Variants in CLPB observed in about 807,000 individuals in gnomAD.
The protein encoded by CLPB is ClpB family mitochondrial disaggregase.
Under a neutral mutation model 78.4 loss-of-function variants are expected in CLPB, and 40 were observed. The observed-to-expected ratio is 0.51, with a 90% confidence interval of 0.40 to 0.66. The LOEUF (loss-of-function observed/expected upper bound fraction) is 0.66, where lower values mean the gene tolerates loss of function less well. Ranked by LOEUF, CLPB falls within the 30% of genes least tolerant of loss-of-function variation. The pLI is 0.00. For synonymous variants in CLPB, 333 were observed against 348.0 expected, an observed-to-expected ratio of 0.96 and a Z score of 0.48; for missense variants, 780 against 886.9, an observed-to-expected ratio of 0.88 and a Z score of 1.53.
In CLPB at chr11:72,289,438, T is replaced by G. The variant is rs148006638; in HGVS notation, c.*3929A>C. The G allele has an allele frequency of 6.6e-6, 1 of 152,094 alleles. No homozygotes were observed. The highest frequency in any genetic ancestry group is 1.9e-4 in the East Asian group (1 of 5,182). 9.4% of individuals were successfully genotyped at this position (152,094 alleles called of 1,614,324 possible). A position where few individuals can be genotyped will look rare whatever the true frequency, so the allele number is the denominator to read the frequency against. The stretch of plus-strand genomic sequence containing the variant: ...TTAACTAGAGCCTCTATGGGAAGTC[T>G]AAACATCAAATAGAAAGGAGCAGAA... On this transcript the variant is annotated 3_prime_UTR_variant, in exon 16 of 16. Coordinates refer to ENST00000538039, the MANE Select transcript of CLPB (RefSeq NM_001258392.3).
At chr11:72,361,943 C>T (rs1950847123) in intron 4 of CLPB, among the ~76,000 whole-genome samples, 1 of 152,198 alleles carries the variant, frequency 6.6e-6, no homozygotes, top group Non-Finnish European at 1.5e-5. Context: ...TTACCATAAA[C>T]AGCAGATGAA....
chr11:72,406,515 T>C (rs936537751), intron 2 of CLPB, among the ~76,000 whole-genome samples: 1 of 152,220 alleles, frequency 6.6e-6, no homozygotes, highest in African/African-American at 2.4e-5. Flanking sequence ...TCTGGGATAA[T>C]AATCTCTAAG....
In CLPB at chr11:72,380,974, C is replaced by T. The variant is rs529089737; in HGVS notation, c.543-590G>A. Among the ~76,000 whole-genome samples, 6 of 152,336 alleles carry T rather than the reference C, an allele frequency of 3.9e-5. No individual in the cohort carries two copies. The South Asian group carries it at 1.2e-3, about 32-fold the overall frequency. On this transcript the variant is annotated intron_variant, in intron 3 of 15. Transcript: ENST00000538039. The stretch of plus-strand genomic sequence containing the variant: ...ACCAAGAAACAGGATCAAGAAAGCC[C>T]TTACGGCATCAGCAAGATGGCAGAA...
intron 6 of CLPB, among the ~76,000 whole-genome samples, chr11:72,321,027 C>A (rs1210107298): frequency 6.6e-6 from 1 of 152,070 alleles, no homozygotes; most frequent in African/African-American, 2.4e-5. Context: ...TTGACTTGTG[C>A]CCAGCCTTGT....
chr11:72,403,015 T>C lies in CLPB; in HGVS notation c.493A>G (p.Arg165Gly). ...SEGADVNAKH[R>G]LGWTALMVAA... Reference sequence around the variant, plus strand: ...ACCATGAGTGCTGTCCAGCCAAGTCTGTGCTTTGCATTGACATCTGCACCT... The same window carrying C: ...ACCATGAGTGCTGTCCAGCCAAGTCCGTGCTTTGCATTGACATCTGCACCT... Residue 165 changes from arginine to glycine, a missense_variant, in exon 3 of 16, where the codon AGA (arginine) becomes GGA (glycine). Arg to Gly is a moderately radical substitution (Grantham distance 125). Transcript: ENST00000538039. 2 of 1,613,718 alleles carry C rather than the reference T, an allele frequency of 1.2e-6. No individual in the cohort carries two copies. Among genetic ancestry groups the C allele is most frequent in the Non-Finnish European group, 8.5e-7 (1 of 1,180,040 alleles).
At chr11:72,399,741 T>C (rs1352228109) in intron 3 of CLPB, among the ~76,000 whole-genome samples, 1 of 152,258 alleles carries the variant, frequency 6.6e-6, no homozygotes, top group Non-Finnish European at 1.5e-5. Flanking sequence ...GAAGGTTCTC[T>C]GCTTTCAGCC....
intron 2 of CLPB, among the ~76,000 whole-genome samples, chr11:72,404,710 T>G (rs895563115): frequency 1.3e-5 from 2 of 152,064 alleles, no homozygotes; most frequent in African/African-American, 4.8e-5. Context: ...GTGTTCCAGG[T>G]AGACGCAGTC....
At chr11:72,355,756 C>T (rs1005280169) in intron 5 of CLPB, among the ~76,000 whole-genome samples, 1 of 152,200 alleles carries the variant, frequency 6.6e-6, no homozygotes, top group Non-Finnish European at 1.5e-5. Context: ...GTCTGAATCT[C>T]CTCCCAGCTC....
chr11:72,394,594 G>C (rs894454154), intron 3 of CLPB, among the ~76,000 whole-genome samples: 6 of 152,210 alleles, frequency 3.9e-5, no homozygotes, highest in African/African-American at 1.4e-4. Flanking sequence ...AGCGTCTTGA[G>C]TTGCCTGAGG....
intron 2 of CLPB, among the ~76,000 whole-genome samples, chr11:72,424,815 G>A (rs1024599301): frequency 2.6e-5 from 4 of 152,028 alleles, no homozygotes; most frequent in Non-Finnish European, 5.9e-5. Context: ...GAACCCGGGT[G>A]GCGGAGTTTG....
At chr11:72,359,266 C>T (rs1018759317) in intron 4 of CLPB, 20 of 608,330 alleles carry the variant, frequency 3.3e-5, no homozygotes, top group African/African-American at 3.3e-4. Context: ...GATAAGGTCC[C>T]TGACCTAACT....
intron 9 of CLPB, among the ~76,000 whole-genome samples, chr11:72,306,166 T>C (rs1041715099): frequency 1.3e-5 from 2 of 152,264 alleles, no homozygotes; most frequent in African/African-American, 4.8e-5. Flanking sequence ...GCACAGCTAC[T>C]GGCAGAGCTA....
intron 7 of CLPB, among the ~76,000 whole-genome samples, chr11:72,313,922 A>G (rs1283918078): frequency 6.6e-6 from 1 of 152,238 alleles, no homozygotes; most frequent in Non-Finnish European, 1.5e-5. Flanking sequence ...AGCACAGCAA[A>G]TGACTTCAGA....
intron 3 of CLPB, 93 bp from the exon 4 acceptor site, chr11:72,380,477 G>A (rs889278286): frequency 1.1e-6 from 1 of 929,194 alleles, no homozygotes; most frequent in African/African-American, 1.6e-5. Context: ...GACTGGAGCT[G>A]TCTCTGCTCA....
chr11:72,299,289 C>T (rs1207212864), intron 11 of CLPB, among the ~76,000 whole-genome samples: 1 of 152,254 alleles, frequency 6.6e-6, no homozygotes, highest in East Asian at 1.9e-4. Context: ...CCTTCTCATC[C>T]ATTCTTTACA....
Position 72,288,676 on chromosome 11 carries a change from T to C in CLPB, c.*4691A>G, listed in dbSNP as rs638138. The C allele has an allele frequency of 0.15, 22,982 of 152,054 alleles. 2,430 individuals are homozygous for C. The highest frequency in any genetic ancestry group is 0.3 in the African/African-American group (12,256 of 41,440). 9.4% of individuals were successfully genotyped at this position (152,054 alleles called of 1,614,324 possible). On this transcript the variant is annotated 3_prime_UTR_variant, in exon 16 of 16. Transcript: ENST00000538039. ...GTCCCATCCACTCACCCAAGTATAA[T>C]AATAAAGGAACATCTGTCATATGCC... is the stretch of plus-strand genomic sequence containing the variant.
chr11:72,345,962 A>C lies in CLPB; in HGVS notation c.775+12918T>G, dbSNP rs80053608. 6.6e-3 allele frequency among the ~76,000 whole-genome samples: 1,013 copies of C among 152,374 alleles called. 12 individuals are homozygous for C. Among genetic ancestry groups the C allele is most frequent in the African/African-American group, 0.023 (970 of 41,590 alleles). The stretch of plus-strand genomic sequence containing the variant: ...TTTAAGATGTATTATAGGATTGAGC[A>C]AATGAGTAAATAAATAAATGTATCA... On this transcript the variant is annotated intron_variant, in intron 5 of 15. Coordinates refer to ENST00000538039, the MANE Select transcript of CLPB (RefSeq NM_001258392.3).
chr11:72,293,221 G>A lies in CLPB; in HGVS notation c.*146C>T. ...TCCTTCAGGTTTTGGGGCTGAGAAG[G>A]GGTCTTCATGGGCTGTGAGGAGGTA... is the stretch of plus-strand genomic sequence containing the variant. On this transcript the variant is annotated 3_prime_UTR_variant, in exon 16 of 16. Coordinates refer to ENST00000538039, the MANE Select transcript of CLPB (RefSeq NM_001258392.3). The A allele has an allele frequency of 1.0e-6, 1 of 992,276 alleles. No individual in the cohort carries two copies. The highest frequency in any genetic ancestry group is 1.5e-6 in the Non-Finnish European group (1 of 679,684). 61.5% of individuals were successfully genotyped at this position (992,276 alleles called of 1,614,324 possible). A position where few individuals can be genotyped will look rare whatever the true frequency, so the allele number is the denominator to read the frequency against.
At chr11:72,339,754 T>C (rs564862875) in intron 5 of CLPB, among the ~76,000 whole-genome samples, 3 of 152,344 alleles carry the variant, frequency 2.0e-5, no homozygotes, top group African/African-American at 7.2e-5. Context: ...CAAGTTTATT[T>C]CAGTAGTATC....
Sources: gnomAD v4.1 joint callset for allele counts (sites outside exome capture counted in the v4.1 genomes callset) on GRCh38, gnomAD v4.1.1 for gene constraint, MANE v1.5 for transcripts, NCBI Gene and HGNC (gene_info 2026-07-23, HGNC 2026-07-21) for gene names.